Variants in CACNG5 observed in about 807,000 individuals in gnomAD.
CACNG5 encodes calcium voltage-gated channel auxiliary subunit gamma 5.
A neutral mutation model predicts 24.8 loss-of-function variants in CACNG5; 18 were observed. That is an observed-to-expected ratio of 0.73 (90% CI 0.50 to 1.08). The LOEUF (loss-of-function observed/expected upper bound fraction) is 1.08. CACNG5 is among the 50% of genes least tolerant of loss of function. The pLI is 0.00. For missense variants in CACNG5, 349 were observed against 367.9 expected, an observed-to-expected ratio of 0.95 and a Z score of 0.42; for synonymous variants, 157 against 149.1, an observed-to-expected ratio of 1.05 and a Z score of -0.39.
intron 1 of CACNG5, among the ~76,000 whole-genome samples, chr17:66,875,349 T>C (rs545048640): frequency 6.6e-6 from 1 of 152,300 alleles, no homozygotes; most frequent in East Asian, 1.9e-4. Flanking sequence ...ACAGGAAGGA[T>C]CATTGTGGCT....
intron 1 of CACNG5, among the ~76,000 whole-genome samples, chr17:66,856,768 C>T (rs1223056909): frequency 6.6e-6 from 1 of 151,962 alleles, no homozygotes; most frequent in African/African-American, 2.4e-5. Flanking sequence ...GTCTCAAACT[C>T]CTGACCTCAG....
At chr17:66,884,147 A>G (rs1302244841) in intron 4 of CACNG5, among the ~76,000 whole-genome samples, 2 of 151,862 alleles carry the variant, frequency 1.3e-5, no homozygotes, top group Non-Finnish European at 2.9e-5. Context: ...AAAGAAAAAA[A>G]AAAAAAAAAG....
At chr17:66,837,857 GAGA>G (rs989876644) in intron 1 of CACNG5, among the ~76,000 whole-genome samples, 3 of 152,038 alleles carry the variant, frequency 2.0e-5, no homozygotes, top group South Asian at 4.2e-4. Flanking sequence ...AGGCCCCAGG[GAGA>G]AGGAGAGGCT....
In CACNG5 at chr17:66,890,584, C is replaced by T. The variant is rs117611562; in HGVS notation, c.*5344C>T. Among the ~76,000 whole-genome samples the T allele has an allele frequency of 3.3e-5, 5 of 152,336 alleles. No individual in the cohort carries two copies. The highest frequency in any genetic ancestry group is 5.9e-5 in the Non-Finnish European group (4 of 68,022). ...GTGTGAAGCCAGGACTCCCTGTGTG[C>T]TCACTGTGGGGCTAAGGTTTTCTGC... is the stretch of plus-strand genomic sequence containing the variant. On this transcript the variant is annotated 3_prime_UTR_variant, in exon 6 of 6. Coordinates refer to ENST00000533854, the MANE Select transcript of CACNG5 (RefSeq NM_145811.3).
At position 66,886,070 on chromosome 17, in the gene CACNG5, G is replaced by T. The variant is rs985925679; in HGVS notation, c.*830G>T. Among the ~76,000 whole-genome samples, 23 of 152,322 alleles carry T rather than the reference G, an allele frequency of 1.5e-4. No homozygotes were observed. Among genetic ancestry groups the T allele is most frequent in the African/African-American group, 5.3e-4 (22 of 41,576 alleles). On this transcript the variant is annotated 3_prime_UTR_variant, in exon 6 of 6. Transcript: ENST00000533854. ...ACAATGAGAATTTTAGAATCGGGCT[G>T]GTCTGAGTTCCTATTACCAGACACT... is the stretch of plus-strand genomic sequence containing the variant.
At chr17:66,854,896 CAAACATAAA>C (rs1259699411) in intron 1 of CACNG5, among the ~76,000 whole-genome samples, 1 of 151,876 alleles carries the variant, frequency 6.6e-6, no homozygotes, top group Non-Finnish European at 1.5e-5. Flanking sequence ...GAAAAATAGC[CAAACATAAA>C]AAGATACCCC....
intron 1 of CACNG5, among the ~76,000 whole-genome samples, chr17:66,875,020 C>G: frequency 6.6e-6 from 1 of 152,116 alleles, no homozygotes; most frequent in Non-Finnish European, 1.5e-5. Context: ...GCAGCCTTGC[C>G]CTGGACCTCT....
In CACNG5 at chr17:66,885,117, C is replaced by T. The variant is rs376605267; in HGVS notation, c.705C>T (p.Asp235=). The T allele has an allele frequency of 7.3e-5, 118 of 1,614,050 alleles. No individual in the cohort carries two copies. The highest frequency in any genetic ancestry group is 1.6e-4 in the Middle Eastern group (1 of 6,084). ...SDYSGQFLHP[D]AWVRGRSPSD... Reference sequence around the variant, plus strand: ...ACTCAGGCCAGTTCCTACACCCAGACGCCTGGGTCAGGGGCCGCAGCCCCT... The same window carrying T: ...ACTCAGGCCAGTTCCTACACCCAGATGCCTGGGTCAGGGGCCGCAGCCCCT... The change falls in exon 6 of 6, where the codon GAC becomes GAT. Residue 235 remains aspartate (D), a synonymous_variant. Transcript: ENST00000533854.
chr17:66,884,942 C>A (rs1977231556), intron 5 of CACNG5, 41 bp from the exon 6 acceptor site: 2 of 1,614,114 alleles, frequency 1.2e-6, no homozygotes, highest in African/African-American at 1.3e-5. Context: ...ATGAGGCAGG[C>A]CCCAGCAGCG....
intron 1 of CACNG5, among the ~76,000 whole-genome samples, chr17:66,860,727 G>A (rs1048686937): frequency 2.0e-5 from 3 of 152,158 alleles, no homozygotes; most frequent in Non-Finnish European, 2.9e-5. Context: ...GAGGACCAGT[G>A]AAGATAATTA....
At chr17:66,837,463 C>G (rs1238028436) in intron 1 of CACNG5, among the ~76,000 whole-genome samples, 1 of 152,230 alleles carries the variant, frequency 6.6e-6, no homozygotes, top group Non-Finnish European at 1.5e-5. Flanking sequence ...CTCACTGACA[C>G]TTGGCACATG....
chr17:66,851,166 CA>C, intron 1 of CACNG5, among the ~76,000 whole-genome samples: 1 of 151,628 alleles, frequency 6.6e-6, no homozygotes, highest in South Asian at 2.1e-4. Flanking sequence ...GGGTCTCCTC[CA>C]AAAAAAACAA....
At chr17:66,878,583 G>A (rs1271747491) in intron 2 of CACNG5, among the ~76,000 whole-genome samples, 1 of 152,198 alleles carries the variant, frequency 6.6e-6, no homozygotes, top group Admixed American at 6.5e-5. Flanking sequence ...AGGGCTTTTG[G>A]AGTTTTGCTC....
At chr17:66,836,545 C>T (rs772497502) in intron 1 of CACNG5, among the ~76,000 whole-genome samples, 1 of 152,184 alleles carries the variant, frequency 6.6e-6, no homozygotes, top group Non-Finnish European at 1.5e-5. Context: ...GCCCCTCATG[C>T]CGAAGTCTCC....
rs1214123273 is a variant in CACNG5 at position 66,877,265 on chromosome 17, C to G, written c.-68C>G. ...ACTGCCACCTGCTCACCCACTCTCC[C>G]TAGCCCCAGAGCGCAGTCCGTGCTG... On this transcript the variant is annotated 5_prime_UTR_variant, in exon 2 of 6. Transcript: ENST00000533854. 15 of 1,403,734 alleles carry G rather than the reference C, an allele frequency of 1.1e-5. No individual in the cohort carries two copies. Among genetic ancestry groups the G allele is most frequent in the Non-Finnish European group, 1.5e-5 (15 of 1,009,614 alleles). The allele number at this position is 1,403,734 out of a possible 1,614,324, so 87.0% of individuals were successfully genotyped here. A position where few individuals can be genotyped will look rare whatever the true frequency, so the allele number is the denominator to read the frequency against.
At chr17:66,866,816 T>A (rs1021683086) in intron 1 of CACNG5, among the ~76,000 whole-genome samples, 4 of 152,212 alleles carry the variant, frequency 2.6e-5, no homozygotes, top group African/African-American at 9.7e-5. Flanking sequence ...TTTTTAAGGT[T>A]GCATAGTATT....
At chr17:66,862,859 T>G (rs1976882464) in intron 1 of CACNG5, among the ~76,000 whole-genome samples, 1 of 150,372 alleles carries the variant, frequency 6.7e-6, no homozygotes, top group Non-Finnish European at 1.5e-5. Flanking sequence ...ATGAGAGTGC[T>G]GCATCTTACA....
intron 1 of CACNG5, among the ~76,000 whole-genome samples, chr17:66,876,376 C>T (rs924807296): frequency 9.2e-5 from 14 of 152,164 alleles, no homozygotes; most frequent in Admixed American, 3.9e-4. Flanking sequence ...ATGGGCTCCA[C>T]GGGGGCTGGC....
At position 66,877,410 on chromosome 17, in the gene CACNG5, C is replaced by T. The variant is rs769615801; in HGVS notation, c.78C>T (p.Ile26=). 5.6e-6 allele frequency: 9 copies of T among 1,613,944 alleles called. No homozygotes were observed. The highest frequency in any genetic ancestry group is 5.5e-5 in the South Asian group (5 of 91,074). The change falls in exon 2 of 6, where the codon ATC becomes ATT. Residue 26 remains isoleucine (I), a synonymous_variant. Coordinates refer to ENST00000533854, the MANE Select transcript of CACNG5 (RefSeq NM_145811.3). ...FAVCGLGLLG[I]AVSTDYWLYL... Reference sequence around the variant, plus strand: ...TCTGTGGCTTGGGCCTCCTGGGTATCGCGGTCAGCACCGACTACTGGCTGT... The same window carrying T: ...TCTGTGGCTTGGGCCTCCTGGGTATTGCGGTCAGCACCGACTACTGGCTGT...
Sources: allele counts gnomAD v4.1 joint callset (sites outside exome capture counted in the v4.1 genomes callset), GRCh38; gene constraint gnomAD v4.1.1; transcripts MANE v1.5; gene names NCBI Gene and HGNC (gene_info 2026-07-23, HGNC 2026-07-21).